SGSM1: variants seen among roughly 807,000 people sequenced by gnomAD.
The protein encoded by SGSM1 is small G protein signaling modulator 1.
SGSM1 carries 73 observed loss-of-function variants against 133.8 expected under a neutral mutation model. The observed-to-expected ratio is 0.55, with a 90% CI of 0.45 to 0.66. The LOEUF is 0.66. Among genes scored for constraint, SGSM1 ranks in the 30% least tolerant of loss-of-function variants. The pLI is 0.00. For synonymous variants in SGSM1, 563 were observed against 573.0 expected (o/e 0.98, Z 0.25); for missense variants, 1,213 against 1,448.1 (o/e 0.84, Z 2.64).
intron 13 of SGSM1, among the ~76,000 whole-genome samples, chr22:24,878,318 T>C (rs1292922638): frequency 1.3e-5 from 2 of 152,176 alleles, no homozygotes; most frequent in African/African-American, 4.8e-5. Context: ...TCTCCTGTTG[T>C]AGCATCTGCT....
chr22:24,850,450 G>A lies in SGSM1; in HGVS notation c.455+18G>A. ...AACAGCAGGTGAGAGGGAAAGACCTGACACCTGGCCATGCTCTGCCCCCAC... is the reference window on the plus strand; with the variant it reads ...AACAGCAGGTGAGAGGGAAAGACCTAACACCTGGCCATGCTCTGCCCCCAC... On this transcript the variant is annotated intron_variant, in intron 5 of 24. Coordinates refer to ENST00000400358, the MANE Select transcript of SGSM1 (RefSeq NM_001098497.3). 1 of 1,612,840 alleles carries A rather than the reference G, an allele frequency of 6.2e-7. No individual in the cohort carries two copies. The highest frequency in any genetic ancestry group is 1.1e-5 in the South Asian group (1 of 90,960).
intron 2 of SGSM1, among the ~76,000 whole-genome samples, chr22:24,828,026 C>G (rs761212324): frequency 6.6e-6 from 1 of 152,092 alleles, no homozygotes; most frequent in African/African-American, 2.4e-5. Context: ...ACCCCTATCT[C>G]CTGAAAGGCC....
At chr22:24,903,686 G>A (rs902142818) in intron 20 of SGSM1, among the ~76,000 whole-genome samples, 7 of 152,078 alleles carry the variant, frequency 4.6e-5, no homozygotes, top group African/African-American at 1.4e-4. Flanking sequence ...TTTTGACAAC[G>A]TTAAGAAAAC....
rs928492184 is a variant in SGSM1 at position 24,909,762 on chromosome 22, G to C, written c.2819-2881G>C. The stretch of plus-strand genomic sequence containing the variant: ...TGAGCGACCATGCCTGGCTGGTTTG[G>C]CCACTTTAAAAAACAGTCTGGCAGT... On this transcript the variant is annotated intron_variant, in intron 21 of 24. Transcript: ENST00000400358. Among the ~76,000 whole-genome samples, 8 of 152,040 alleles carry C rather than the reference G, an allele frequency of 5.3e-5. No individual in the cohort carries two copies. In the South Asian group the frequency reaches 1.7e-3, roughly 32 times the overall value.
chr22:24,884,276 A>G (rs1169188351), intron 15 of SGSM1, 78 bp downstream of exon 15: 1 of 1,520,020 alleles, frequency 6.6e-7, no homozygotes, highest in Non-Finnish European at 8.9e-7. Flanking sequence ...AAATAAGCCC[A>G]CATGCTTGTG....
At chr22:24,856,571 G>T (rs1306669973) in intron 8 of SGSM1, among the ~76,000 whole-genome samples, 1 of 152,108 alleles carries the variant, frequency 6.6e-6, no homozygotes, top group East Asian at 1.9e-4. Context: ...CATGGTCATT[G>T]TGGTGTTTGG....
intron 2 of SGSM1, among the ~76,000 whole-genome samples, chr22:24,836,836 G>A (rs1569140225): frequency 6.6e-6 from 1 of 152,178 alleles, no homozygotes; most frequent in African/African-American, 2.4e-5. Flanking sequence ...TTATCACATA[G>A]ATGATTTGCA....
At chr22:24,822,088 C>CTTTTTTTTTTTTTTTTTTTTTT (rs71320790) in intron 2 of SGSM1, among the ~76,000 whole-genome samples, 1 of 96,178 alleles carries the variant, frequency 1.0e-5, no homozygotes, top group Non-Finnish European at 2.0e-5. Context: ...TCATCTCTCT[C>CTTTTTTTTTTTTTTTTTTTTTT]TTTTTTTTTT....
intron 2 of SGSM1, among the ~76,000 whole-genome samples, chr22:24,825,722 G>T (rs1928762032): frequency 6.6e-6 from 1 of 152,212 alleles, no homozygotes; most frequent in Non-Finnish European, 1.5e-5. Flanking sequence ...GAGGCACTGT[G>T]GCGGGCCTGA....
chr22:24,814,857 G>A (rs550229571), intron 2 of SGSM1, among the ~76,000 whole-genome samples: 2 of 152,314 alleles, frequency 1.3e-5, no homozygotes, highest in East Asian at 3.9e-4. Context: ...CCTCTAATGG[G>A]CTGAGTCTTG....
chr22:24,867,500 AT>A, intron 10 of SGSM1, among the ~76,000 whole-genome samples: 1 of 152,330 alleles, frequency 6.6e-6, no homozygotes. Context: ...CATGCCCGTT[AT>A]TCAGTCATCA....
At chr22:24,889,940 C>T (rs192693917) in intron 16 of SGSM1, among the ~76,000 whole-genome samples, 2,724 of 148,980 alleles carry the variant, frequency 0.018, 92 homozygotes, top group African/African-American at 0.064. Flanking sequence ...CGTGAGCCAC[C>T]GGGCCTGGCC....
intron 3 of SGSM1, among the ~76,000 whole-genome samples, chr22:24,845,955 T>TTCTCTCTC (rs1555924260): frequency 2.2e-5 from 2 of 91,840 alleles, no homozygotes; most frequent in African/African-American, 7.4e-5. Flanking sequence ...CTTTCTTTCT[T>TTCTCTCTC]TCTTTCTTTC....
intron 21 of SGSM1, among the ~76,000 whole-genome samples, chr22:24,911,374 C>G (rs1433895781): frequency 6.8e-6 from 1 of 146,594 alleles, no homozygotes; most frequent in African/African-American, 2.5e-5. Context: ...TCACTGCAAT[C>G]TCCGCCTCCC....
Position 24,926,850 on chromosome 22 carries a change from GTTTT to G in SGSM1, c.*2582_*2585del, listed in dbSNP as rs68090068. On this transcript the variant is annotated 3_prime_UTR_variant, in exon 25 of 25. Coordinates refer to ENST00000400358, the MANE Select transcript of SGSM1 (RefSeq NM_001098497.3). ...TATAAACAGAGAAATATGTGAATCT[GTTTT>G]TTTTTGTCTTTTTTTTTTTAATTTG... is the stretch of plus-strand genomic sequence containing the variant. The G allele has an allele frequency of 6.7e-6, 1 of 149,154 alleles. No individual in the cohort carries two copies. Among genetic ancestry groups the G allele is most frequent in the Non-Finnish European group, 1.5e-5 (1 of 67,362 alleles). The allele number at this position is 149,154 out of a possible 1,614,324, so 9.2% of individuals were successfully genotyped here. A position where few individuals can be genotyped will look rare whatever the true frequency, so the allele number is the denominator to read the frequency against.
chr22:24,910,973 G>C (rs1394168407), intron 21 of SGSM1, among the ~76,000 whole-genome samples: 1 of 151,244 alleles, frequency 6.6e-6, no homozygotes, highest in East Asian at 2.0e-4. Context: ...AAAATAAATA[G>C]GCAAGGCGTG....
chr22:24,899,980 C>T (rs1933069414), intron 19 of SGSM1, among the ~76,000 whole-genome samples: 1 of 149,792 alleles, frequency 6.7e-6, no homozygotes, highest in South Asian at 2.1e-4. Flanking sequence ...TTTGGCCTTT[C>T]TTCAAATATG....
chr22:24,839,014 G>A (rs1294367945), intron 2 of SGSM1, among the ~76,000 whole-genome samples: 1 of 151,384 alleles, frequency 6.6e-6, no homozygotes, highest in African/African-American at 2.4e-5. Flanking sequence ...TTAGGAGTAT[G>A]AAGTCTTGGA....
At chr22:24,870,835 C>T (rs1013515420) in intron 12 of SGSM1, among the ~76,000 whole-genome samples, 7 of 152,158 alleles carry the variant, frequency 4.6e-5, no homozygotes, top group African/African-American at 1.4e-4. Flanking sequence ...CATACATGTT[C>T]GGCACAGTCT....
Sources: gnomAD v4.1 joint callset for allele counts (sites outside exome capture counted in the v4.1 genomes callset) on GRCh38, gnomAD v4.1.1 for gene constraint, MANE v1.5 for transcripts, NCBI Gene and HGNC (gene_info 2026-07-23, HGNC 2026-07-21) for gene names.